Variants in EPC1 observed in about 807,000 individuals in gnomAD.
EPC1 encodes enhancer of polycomb homolog 1.
Under a neutral mutation model 98.4 loss-of-function variants are expected in EPC1, and 12 were observed. That is an observed-to-expected ratio of 0.12 (90% CI 0.08 to 0.20). The LOEUF is 0.20. Ranked by LOEUF, EPC1 falls within the 10% of genes least tolerant of loss-of-function variation. EPC1 has a pLI of 1.00. For missense variants in EPC1, 729 were observed against 990.5 expected (o/e 0.74, Z 3.54); for synonymous variants, 357 against 363.9 (o/e 0.98, Z 0.21).
chr10:32,301,648 T>C (rs1835552022), intron 2 of EPC1, among the ~76,000 whole-genome samples: 1 of 152,250 alleles, frequency 6.6e-6, no homozygotes, highest in Non-Finnish European at 1.5e-5. Flanking sequence ...AGTTAATTTT[T>C]GACCAGGAAG....
chr10:32,274,710 G>T (rs1274904448), intron 10 of EPC1, among the ~76,000 whole-genome samples: 1 of 152,010 alleles, frequency 6.6e-6, no homozygotes, highest in Non-Finnish European at 1.5e-5. Flanking sequence ...TCACAAATCT[G>T]CAATCTGTAG....
intron 1 of EPC1, among the ~76,000 whole-genome samples, chr10:32,314,754 TTAAC>T (rs1836453202): frequency 6.6e-6 from 1 of 152,206 alleles, no homozygotes. Flanking sequence ...AAGAGTGACA[TTAAC>T]TATCTGTAGA....
At chr10:32,294,870 C>G (rs1236353417) in intron 2 of EPC1, among the ~76,000 whole-genome samples, 2 of 152,010 alleles carry the variant, frequency 1.3e-5, no homozygotes, top group African/African-American at 2.4e-5. Context: ...TCTTTATGAT[C>G]TAGTAACATC....
At chr10:32,326,536 C>A (rs1442805409) in intron 1 of EPC1, among the ~76,000 whole-genome samples, 1 of 152,074 alleles carries the variant, frequency 6.6e-6, no homozygotes, top group Non-Finnish European at 1.5e-5. Flanking sequence ...CCTAGTCCAT[C>A]CTAACAAATA....
chr10:32,272,348 T>A (rs1835889466), intron 11 of EPC1, 181 bp from the exon 12 acceptor site: 2 of 533,250 alleles, frequency 3.8e-6, no homozygotes, highest in Admixed American at 7.4e-5. Flanking sequence ...GTCATATATT[T>A]GATAAGTGAA....
chr10:32,344,060 G>A (rs905278205), intron 1 of EPC1, among the ~76,000 whole-genome samples: 1 of 152,128 alleles, frequency 6.6e-6, no homozygotes, highest in East Asian at 1.9e-4. Context: ...AATAACTAAT[G>A]TGTCAGTTAA....
At chr10:32,296,635 C>T (rs1022468631) in intron 2 of EPC1, among the ~76,000 whole-genome samples, 7 of 152,234 alleles carry the variant, frequency 4.6e-5, no homozygotes, top group South Asian at 4.1e-4. Flanking sequence ...AGGGGCCAGG[C>T]GTAGTGGCTC....
intron 1 of EPC1, among the ~76,000 whole-genome samples, chr10:32,343,439 G>C (rs2133044732): frequency 6.6e-6 from 1 of 152,296 alleles, no homozygotes; most frequent in East Asian, 1.9e-4. Context: ...TCGAACTCCT[G>C]ACCTCAGGTG....
intron 1 of EPC1, among the ~76,000 whole-genome samples, chr10:32,336,216 C>T (rs558118917): frequency 6.6e-6 from 1 of 152,154 alleles, no homozygotes; most frequent in Admixed American, 6.5e-5. Flanking sequence ...TTACAGGCGT[C>T]TGCCGCCATG....
In EPC1 at chr10:32,367,295, G is replaced by A. The variant is rs548792500; in HGVS notation, c.3+11196C>T. Among the ~76,000 whole-genome samples the A allele has an allele frequency of 1.5e-3, 232 of 152,226 alleles. 1 individual carries two copies. The highest frequency in any genetic ancestry group is 2.6e-3 in the Non-Finnish European group (177 of 68,004). Reference sequence around the variant, plus strand: ...CATAAGCCACCACACCCAGCCTTTCGCTATTCTTATTAATGTAAAGACTGG... The same window carrying A: ...CATAAGCCACCACACCCAGCCTTTCACTATTCTTATTAATGTAAAGACTGG... On this transcript the variant is annotated intron_variant, in intron 1 of 13. Coordinates refer to the EPC1 transcript ENST00000375110.
chr10:32,327,019 T>G (rs2505405), intron 1 of EPC1, among the ~76,000 whole-genome samples: 1 of 28,556 alleles, frequency 3.5e-5, no homozygotes, highest in Non-Finnish European at 1.1e-4. Flanking sequence ...AAAAAAAAAA[T>G]CAATGTAAAT....
intron 2 of EPC1, among the ~76,000 whole-genome samples, chr10:32,302,943 T>A (rs1239472471): frequency 6.6e-6 from 1 of 152,058 alleles, no homozygotes; most frequent in Admixed American, 6.6e-5. Flanking sequence ...GGAAACAGTG[T>A]CCTTCCAAAC....
chr10:32,327,460 T>C (rs1380416167), intron 1 of EPC1, among the ~76,000 whole-genome samples: 4 of 152,134 alleles, frequency 2.6e-5, no homozygotes, highest in Non-Finnish European at 5.9e-5. Context: ...ATTGTGAGTG[T>C]TCTCACAACA....
At chr10:32,325,367 ACTGGATCATTTTT>A (rs1837211721) in intron 1 of EPC1, among the ~76,000 whole-genome samples, 1 of 152,232 alleles carries the variant, frequency 6.6e-6, no homozygotes, top group Non-Finnish European at 1.5e-5. Context: ...GAGATAACTC[ACTGGATCATTTTT>A]AAAGCTTAAT....
At chr10:32,341,639 T>C (rs1009847567) in intron 1 of EPC1, among the ~76,000 whole-genome samples, 2 of 152,178 alleles carry the variant, frequency 1.3e-5, no homozygotes, top group African/African-American at 4.8e-5. Flanking sequence ...CACATTCAAA[T>C]GGTATACTGA....
At chr10:32,357,797 G>T (rs1330601032) in intron 1 of EPC1, among the ~76,000 whole-genome samples, 1 of 150,648 alleles carries the variant, frequency 6.6e-6, no homozygotes, top group Non-Finnish European at 1.5e-5. Flanking sequence ...TCATTGGCTG[G>T]TTTTACAATA....
intron 2 of EPC1, among the ~76,000 whole-genome samples, chr10:32,298,932 C>G (rs1446740785): frequency 6.6e-6 from 1 of 152,010 alleles, no homozygotes; most frequent in Non-Finnish European, 1.5e-5. Context: ...AATGTAGGTT[C>G]TACTTTAGGA....
At chr10:32,338,904 C>T (rs1157623233) in intron 1 of EPC1, among the ~76,000 whole-genome samples, 2 of 151,076 alleles carry the variant, frequency 1.3e-5, no homozygotes, top group Non-Finnish European at 2.9e-5. Context: ...CACCACTACA[C>T]TCCAGCCTGG....
chr10:32,286,729 A>C lies in EPC1; in HGVS notation c.1356T>G (p.Ile452Met). ...GCCCAACCCGTCTTCGTGCAAATCC[A>C]ATACACCTTTGGGGTACGGTGAGAG... is the stretch of plus-strand genomic sequence containing the variant. Reference protein sequence around the residue: ...LTTLTVPQRCIGFARRRVGRG... With the variant: ...LTTLTVPQRCMGFARRRVGRG... The change falls in exon 9 of 14, where the codon ATT (isoleucine) becomes ATG (methionine). Residue 452 changes from isoleucine to methionine, a missense_variant. Coordinates refer to ENST00000319778, the MANE Select transcript of EPC1 (RefSeq NM_001272004.3). 1.2e-6 allele frequency: 2 copies of C among 1,614,166 alleles called. No homozygotes were observed. Among genetic ancestry groups the C allele is most frequent in the Non-Finnish European group, 8.5e-7 (1 of 1,180,048 alleles).
Sources: allele counts gnomAD v4.1 joint callset (sites outside exome capture counted in the v4.1 genomes callset), GRCh38; gene constraint gnomAD v4.1.1; transcripts MANE v1.5; gene names NCBI Gene and HGNC (gene_info 2026-07-23, HGNC 2026-07-21).